Variants in ARID1B observed in about 807,000 individuals in gnomAD.
ARID1B encodes the protein AT-rich interactive domain-containing protein 1B.
Under a neutral mutation model 212.3 loss-of-function variants are expected in ARID1B, and 30 were observed. That is an observed-to-expected ratio of 0.14 (90% CI 0.11 to 0.19). The LOEUF (loss-of-function observed/expected upper bound fraction) is 0.19, where lower values mean the gene tolerates loss of function less well. Among genes scored for constraint, ARID1B ranks in the 10% least tolerant of loss-of-function variants. The pLI, the probability that ARID1B is intolerant of heterozygous loss-of-function variation, is 1.00. For synonymous variants in ARID1B, 1,402 were observed against 1,301.7 expected (o/e 1.08, Z -1.66); for missense variants, 2,891 against 3,204.0 (o/e 0.90, Z 2.36).
intron 12 of ARID1B, among the ~76,000 whole-genome samples, 195 bp from the exon 13 acceptor site, chr6:157,184,036 G>A (rs1236010676): frequency 6.6e-6 from 1 of 152,172 alleles, no homozygotes; most frequent in African/African-American, 2.4e-5. Context: ...TGCTTTTTCT[G>A]TTGCCATCAG....
chr6:157,195,590 G>A (rs1383009778), intron 15 of ARID1B: 1 of 153,086 alleles, frequency 6.5e-6, no homozygotes, highest in African/African-American at 2.4e-5. Context: ...ATAATCATGG[G>A]AGTGATACCA....
chr6:157,082,262 A>AGG (rs1485709565), intron 4 of ARID1B, among the ~76,000 whole-genome samples: 4 of 152,184 alleles, frequency 2.6e-5, no homozygotes, highest in African/African-American at 9.7e-5. Flanking sequence ...CAAAGGCAGT[A>AGG]GGGATGGTGT....
At chr6:157,143,546 GT>G (rs1269933780) in intron 7 of ARID1B, among the ~76,000 whole-genome samples, 1 of 152,046 alleles carries the variant, frequency 6.6e-6, no homozygotes, top group Non-Finnish European at 1.5e-5. Flanking sequence ...GCTGTCATTT[GT>G]TAGGCAGTGC....
At chr6:156,964,002 C>G (rs1419148850) in intron 4 of ARID1B, among the ~76,000 whole-genome samples, 1 of 152,232 alleles carries the variant, frequency 6.6e-6, no homozygotes, top group Non-Finnish European at 1.5e-5. Context: ...AGGAGAAATT[C>G]TTCTCCACTG....
chr6:157,129,211 A>G (rs1788359014), intron 6 of ARID1B, among the ~76,000 whole-genome samples: 1 of 152,220 alleles, frequency 6.6e-6, no homozygotes. Flanking sequence ...AGGATCCGGG[A>G]CTGTGGCTCA....
intron 4 of ARID1B, among the ~76,000 whole-genome samples, chr6:156,975,470 C>CA (rs1304463276): frequency 2.6e-5 from 4 of 151,734 alleles, no homozygotes; most frequent in Non-Finnish European, 5.9e-5. Flanking sequence ...TCTTTTGAAG[C>CA]AAAAAAATAC....
intron 4 of ARID1B, among the ~76,000 whole-genome samples, chr6:157,012,428 C>G (rs1779671178): frequency 6.6e-6 from 1 of 152,166 alleles, no homozygotes. Context: ...CAAGTGTAAA[C>G]TAAGAACAAA....
intron 2 of ARID1B, among the ~76,000 whole-genome samples, chr6:156,884,322 AT>A (rs36056383): frequency 0.25 from 37,321 of 148,036 alleles, 4,562 homozygotes; most frequent in Non-Finnish European, 0.28. Flanking sequence ...TAATTTAAGA[AT>A]TTTTTTTTTT....
rs1209888486 is a variant in ARID1B, at chr6:156,777,837, G to A, written c.157G>A (p.Ala53Thr). 4 of 1,167,330 alleles carry A rather than the reference G, an allele frequency of 3.4e-6. No individual in the cohort carries two copies. The African/African-American group carries it at 4.9e-5, about 14-fold the overall frequency. 72.3% of individuals were successfully genotyped at this position (1,167,330 alleles called of 1,614,324 possible). ...GCGCGGCGCGGCGGCGGCGGCGGCG[G>A]CACCGGGACCCATGCTGGGGGGCGG... ...GARGAAAAAAAPGPMLGGGGD... is the reference protein window; with the variant it reads ...GARGAAAAAATPGPMLGGGGD... Residue 53 changes from alanine (A) to threonine (T), a missense_variant, in exon 1 of 20, where the codon GCA becomes ACA. Ala to Thr is a moderately conservative substitution (Grantham distance 58, BLOSUM62 0). This residue lies in a region of ARID1B where 1,643 missense variants were observed against 1,544.0 expected (regional missense o/e 1.06). Coordinates refer to ENST00000636930, the MANE Select transcript of ARID1B (RefSeq NM_001374828.1).
intron 4 of ARID1B, among the ~76,000 whole-genome samples, chr6:157,039,862 C>CTT: frequency 2.7e-5 from 3 of 110,052 alleles, no homozygotes; most frequent in Non-Finnish European, 5.8e-5. Context: ...CTCTCTTTCT[C>CTT]TCTCTTTCTC....
intron 3 of ARID1B, among the ~76,000 whole-genome samples, chr6:156,920,297 A>C (rs949669770): frequency 6.6e-6 from 1 of 152,238 alleles, no homozygotes; most frequent in Admixed American, 6.5e-5. Context: ...TGCAGTTAAA[A>C]GTATCATCGA....
chr6:157,134,777 G>A (rs78269384), intron 7 of ARID1B, among the ~76,000 whole-genome samples: 10 of 152,276 alleles, frequency 6.6e-5, no homozygotes, highest in African/African-American at 2.4e-4. Flanking sequence ...TTGGAAAAAC[G>A]GTTTGTAACT....
chr6:156,791,934 T>G (rs1378638334), intron 1 of ARID1B, among the ~76,000 whole-genome samples: 1 of 152,208 alleles, frequency 6.6e-6, no homozygotes, highest in Non-Finnish European at 1.5e-5. Context: ...ATCTTTGAAT[T>G]TTTGTTTATT....
At chr6:156,902,506 A>T (rs754680919) in intron 3 of ARID1B, among the ~76,000 whole-genome samples, 6 of 151,946 alleles carry the variant, frequency 3.9e-5, no homozygotes, top group Non-Finnish European at 5.9e-5. Flanking sequence ...TTTCTTACAT[A>T]TTTTCTTGGG....
At chr6:157,127,270 C>A (rs921635935) in intron 6 of ARID1B, among the ~76,000 whole-genome samples, 2 of 152,162 alleles carry the variant, frequency 1.3e-5, no homozygotes, top group African/African-American at 4.8e-5. Context: ...CTAGAATCTG[C>A]ACAGCAGACG....
At chr6:156,790,191 G>A (rs1046654219) in intron 1 of ARID1B, among the ~76,000 whole-genome samples, 25 of 152,182 alleles carry the variant, frequency 1.6e-4, no homozygotes, top group African/African-American at 6.0e-4. Context: ...TTTAACTGGT[G>A]AGGAAATAAA....
intron 4 of ARID1B, among the ~76,000 whole-genome samples, chr6:156,992,742 C>A (rs1303097370): frequency 1.3e-5 from 2 of 152,146 alleles, no homozygotes; most frequent in African/African-American, 4.8e-5. Flanking sequence ...ACTGCCCTGG[C>A]TATGGAGCGG....
intron 6 of ARID1B, among the ~76,000 whole-genome samples, chr6:157,125,386 T>C (rs1028798638): frequency 5.9e-5 from 9 of 152,208 alleles, no homozygotes; most frequent in African/African-American, 2.2e-4. Context: ...GGGCTACAGA[T>C]GGTTTGAAGA....
At chr6:157,029,835 A>G (rs1381211299) in intron 4 of ARID1B, among the ~76,000 whole-genome samples, 1 of 152,358 alleles carries the variant, frequency 6.6e-6, no homozygotes, top group Admixed American at 6.5e-5. Flanking sequence ...CATGGTAAGC[A>G]GCTCGGCTTA....
Sources: allele counts gnomAD v4.1 joint callset (sites outside exome capture counted in the v4.1 genomes callset), GRCh38; gene constraint gnomAD v4.1.1; regional missense constraint gnomAD v4.1.1; transcripts MANE v1.5; gene names NCBI Gene and HGNC (gene_info 2026-07-23, HGNC 2026-07-21).